MACO1: variants seen among roughly 807,000 people sequenced by gnomAD.
MACO1 encodes the protein macoilin.
In MACO1, 14 loss-of-function variants were observed where a neutral mutation model predicts 78.7. That is an observed-to-expected ratio of 0.18 (90% CI 0.12 to 0.28). The LOEUF (loss-of-function observed/expected upper bound fraction) is 0.28. Ranked by LOEUF, MACO1 falls within the 10% of genes least tolerant of loss-of-function variation. The probability of loss-of-function intolerance (pLI) is 1.00; values close to 1 mark genes in which losing one functional copy is unlikely to be tolerated. For missense variants in MACO1, 501 were observed against 799.0 expected (o/e 0.63, Z 4.50); for synonymous variants, 288 against 291.6 (o/e 0.99, Z 0.12).
intron 1 of MACO1, among the ~76,000 whole-genome samples, chr1:25,444,880 T>C (rs1571953809): frequency 6.6e-6 from 1 of 152,074 alleles, no homozygotes; most frequent in Non-Finnish European, 1.5e-5. Flanking sequence ...CCCTCGTTTG[T>C]TCTTTGTAAT....
chr1:25,497,138 T>A (rs2043544621), intron 10 of MACO1, among the ~76,000 whole-genome samples: 1 of 152,076 alleles, frequency 6.6e-6, no homozygotes, highest in Non-Finnish European at 1.5e-5. Flanking sequence ...CCCAGCACTT[T>A]GGGAGGCCGA....
intron 2 of MACO1, among the ~76,000 whole-genome samples, chr1:25,447,300 G>A (rs193054611): frequency 3.9e-5 from 6 of 152,116 alleles, no homozygotes; most frequent in Non-Finnish European, 7.4e-5. Context: ...AGTTAGAGTA[G>A]TGTTTCAAAC....
At chr1:25,437,534 A>G (rs901518135) in intron 1 of MACO1, among the ~76,000 whole-genome samples, 3 of 152,078 alleles carry the variant, frequency 2.0e-5, no homozygotes, top group African/African-American at 7.2e-5. Flanking sequence ...ATAGTTGAAC[A>G]TTAAAGAGAA....
intron 6 of MACO1, among the ~76,000 whole-genome samples, chr1:25,479,392 G>T (rs1315789306): frequency 6.6e-6 from 1 of 152,012 alleles, no homozygotes; most frequent in Non-Finnish European, 1.5e-5. Flanking sequence ...CAACTATCTT[G>T]ATTCAGTTCA....
At chr1:25,474,830 T>G (rs1252628439) in intron 6 of MACO1, among the ~76,000 whole-genome samples, 2 of 152,218 alleles carry the variant, frequency 1.3e-5, no homozygotes, top group Non-Finnish European at 1.5e-5. Flanking sequence ...GCTTAGAATT[T>G]GAACTTCGCA....
intron 1 of MACO1, among the ~76,000 whole-genome samples, chr1:25,435,925 C>T (rs2042915628): frequency 6.6e-6 from 1 of 152,158 alleles, no homozygotes; most frequent in Admixed American, 6.5e-5. Context: ...ATGATTCTTC[C>T]TGTCTGAGCA....
intron 1 of MACO1, among the ~76,000 whole-genome samples, chr1:25,434,487 C>T (rs974901180): frequency 6.6e-6 from 1 of 152,098 alleles, no homozygotes; most frequent in African/African-American, 2.4e-5. Flanking sequence ...GTCTAGTAGG[C>T]CGTAGTAATA....
At chr1:25,452,563 A>G (rs942215730) in intron 3 of MACO1, among the ~76,000 whole-genome samples, 2 of 152,204 alleles carry the variant, frequency 1.3e-5, no homozygotes, top group African/African-American at 2.4e-5. Flanking sequence ...ATGTCATTCC[A>G]TGACAATGCA....
intron 1 of MACO1, 129 bp from the exon 2 acceptor site, chr1:25,446,633 G>T: frequency 1.1e-6 from 1 of 928,486 alleles, no homozygotes; most frequent in Non-Finnish European, 1.5e-6. Flanking sequence ...TCTTTTTTGT[G>T]CTTTATCTCC....
Position 25,458,687 on chromosome 1 carries a change from G to A in MACO1, c.949G>A (p.Ala317Thr), listed in dbSNP as rs1264244440. ...ENLLKEDSCTASSKNYKNASG... is the reference protein window; with the variant it reads ...ENLLKEDSCTTSSKNYKNASG... ...TCTCTTGAAAGAGGACTCATGCACT[G>A]CTTCCTCAAAAAATTACAAAAATGC... Residue 317 changes from alanine (A) to threonine (T), a missense_variant, in exon 6 of 11, where the codon GCT (alanine) becomes ACT (threonine). Coordinates refer to ENST00000374343, the MANE Select transcript of MACO1 (RefSeq NM_018202.6). The A allele has an allele frequency of 6.2e-7, 1 of 1,614,122 alleles. No homozygotes were observed. The highest frequency in any genetic ancestry group is 1.7e-5 in the Admixed American group (1 of 60,000).
intron 1 of MACO1, among the ~76,000 whole-genome samples, chr1:25,441,808 T>G (rs1473807565): frequency 6.6e-6 from 1 of 152,164 alleles, no homozygotes; most frequent in Non-Finnish European, 1.5e-5. Flanking sequence ...TTAATTGTAC[T>G]TAGGTAGGGA....
chr1:25,439,557 C>T (rs896574390), intron 1 of MACO1, among the ~76,000 whole-genome samples: 1 of 152,104 alleles, frequency 6.6e-6, no homozygotes, highest in Admixed American at 6.5e-5. Context: ...AAATATAGAA[C>T]AGCTTGGTCT....
At chr1:25,464,323 ATTTC>A (rs1439852765) in intron 6 of MACO1, among the ~76,000 whole-genome samples, 2 of 138,956 alleles carry the variant, frequency 1.4e-5, no homozygotes, top group African/African-American at 5.4e-5. Context: ...GTCTTCTATA[ATTTC>A]TTTTTCTTCT....
intron 1 of MACO1, among the ~76,000 whole-genome samples, chr1:25,445,786 G>A (rs1307043481): frequency 6.6e-6 from 1 of 151,990 alleles, no homozygotes; most frequent in Non-Finnish European, 1.5e-5. Flanking sequence ...CCAAATGAAA[G>A]TGAATTTTAG....
Position 25,498,247 on chromosome 1 carries a change from G to A in MACO1, c.1793-17G>A, listed in dbSNP as rs2043554851. The stretch of plus-strand genomic sequence containing the variant: ...GAGGCCTCCCTTTTCACTAATGGTG[G>A]GTCTTTGATCTTACAGGACAAATCC... On this transcript the variant is annotated splice_polypyrimidine_tract_variant and intron_variant, in intron 10 of 10. Coordinates refer to ENST00000374343, the MANE Select transcript of MACO1 (RefSeq NM_018202.6). The A allele has an allele frequency of 1.2e-6, 2 of 1,613,714 alleles. No individual in the cohort carries two copies. Among genetic ancestry groups the A allele is most frequent in the African/African-American group, 2.7e-5 (2 of 74,900 alleles).
intron 6 of MACO1, among the ~76,000 whole-genome samples, chr1:25,466,396 C>T (rs945835406): frequency 6.6e-6 from 1 of 152,238 alleles, no homozygotes; most frequent in Non-Finnish European, 1.5e-5. Flanking sequence ...TCACTGCAAC[C>T]TCCACCTCCT....
chr1:25,438,272 A>C (rs1201866190), intron 1 of MACO1, among the ~76,000 whole-genome samples: 1 of 152,242 alleles, frequency 6.6e-6, no homozygotes, highest in Non-Finnish European at 1.5e-5. Flanking sequence ...ACCTGTTAAC[A>C]TTATATAAAC....
chr1:25,469,560 A>G (rs1351413449), intron 6 of MACO1, among the ~76,000 whole-genome samples: 4 of 151,976 alleles, frequency 2.6e-5, no homozygotes, highest in Admixed American at 2.6e-4. Context: ...CTAGGAATTC[A>G]CAGACTTTCA....
chr1:25,498,563 T>G lies in MACO1; in HGVS notation c.*97T>G. ...AGATAAAAAAACAGTTTCTATTGTA[T>G]TTTGTGGAACTGTATCTGTTGTCAT... On this transcript the variant is annotated 3_prime_UTR_variant, in exon 11 of 11. Coordinates refer to ENST00000374343, the MANE Select transcript of MACO1 (RefSeq NM_018202.6). The G allele has an allele frequency of 8.4e-7, 1 of 1,193,928 alleles. No individual in the cohort carries two copies. Among genetic ancestry groups the G allele is most frequent in the Non-Finnish European group, 1.2e-6 (1 of 845,014 alleles). 74.0% of individuals were successfully genotyped at this position (1,193,928 alleles called of 1,614,324 possible). A position where few individuals can be genotyped will look rare whatever the true frequency, so the allele number is the denominator to read the frequency against.
Sources: gnomAD v4.1 joint callset for allele counts (sites outside exome capture counted in the v4.1 genomes callset) on GRCh38, gnomAD v4.1.1 for gene constraint, MANE v1.5 for transcripts, NCBI Gene and HGNC (gene_info 2026-07-23, HGNC 2026-07-21) for gene names.